IL1R1: variants seen among roughly 807,000 people sequenced by gnomAD.
IL1R1 encodes the protein interleukin-1 receptor type 1.
A neutral mutation model predicts 50.2 loss-of-function variants in IL1R1; 22 were observed. The observed-to-expected ratio is 0.44, with a 90% CI of 0.31 to 0.63. The LOEUF is 0.63. Among genes scored for constraint, IL1R1 ranks in the 20% least tolerant of loss-of-function variants. IL1R1 has a pLI of 0.07. For missense variants in IL1R1, 509 were observed against 676.2 expected (o/e 0.75, Z 2.74); for synonymous variants, 251 against 236.7 (o/e 1.06, Z -0.55).
exon 1 of IL1R1, chr2:102,104,843 CA>C (rs1173063452): frequency 3.3e-5 from 5 of 152,200 alleles, no homozygotes; most frequent in African/African-American, 1.2e-4. Context: ...CAGCCATTCC[CA>C]AATGCCCCAA....
At chr2:102,163,548 C>G (rs1684911116) in intron 3 of IL1R1, among the ~76,000 whole-genome samples, 1 of 152,074 alleles carries the variant, frequency 6.6e-6, no homozygotes, top group Non-Finnish European at 1.5e-5. Flanking sequence ...GTTTTCATCT[C>G]TAAAAGTTTT....
At chr2:102,150,829 C>T (rs373657121) in intron 1 of IL1R1, among the ~76,000 whole-genome samples, 7 of 152,182 alleles carry the variant, frequency 4.6e-5, no homozygotes, top group African/African-American at 1.7e-4. Context: ...GGATGTTAGC[C>T]AGTCCAGGGG....
intron 1 of IL1R1, among the ~76,000 whole-genome samples, chr2:102,090,844 C>T (rs191625730): frequency 3.9e-4 from 60 of 152,174 alleles, no homozygotes; most frequent in African/African-American, 1.3e-3. Context: ...CATATTTTCT[C>T]GTCTCTGTGG....
At chr2:102,125,189 C>T (rs1681636175) in intron 1 of IL1R1, among the ~76,000 whole-genome samples, 1 of 152,230 alleles carries the variant, frequency 6.6e-6, no homozygotes. Flanking sequence ...GCACATGCTG[C>T]CTTTACTCTG....
intron 1 of IL1R1, among the ~76,000 whole-genome samples, chr2:102,143,289 G>T (rs1346969211): frequency 6.6e-6 from 1 of 152,186 alleles, no homozygotes. Flanking sequence ...GTGACTTCCC[G>T]TGTGAATGGC....
intron 1 of IL1R1, among the ~76,000 whole-genome samples, chr2:102,132,644 AAGCTTTG>A (rs950866726): frequency 3.9e-5 from 6 of 152,200 alleles, no homozygotes; most frequent in African/African-American, 1.4e-4. Flanking sequence ...AATGACACCA[AAGCTTTG>A]ATGTCATTTG....
intron 1 of IL1R1, among the ~76,000 whole-genome samples, chr2:102,147,357 G>A (rs1219836309): frequency 6.6e-6 from 1 of 152,240 alleles, no homozygotes; most frequent in Non-Finnish European, 1.5e-5. Context: ...ATCCCAATCT[G>A]AGAAACAGCT....
At chr2:102,135,227 T>C (rs1682280000) in intron 1 of IL1R1, among the ~76,000 whole-genome samples, 1 of 152,140 alleles carries the variant, frequency 6.6e-6, no homozygotes, top group Non-Finnish European at 1.5e-5. Flanking sequence ...TTGCCTCTGC[T>C]GGATATCACT....
At position 102,165,120 on chromosome 2, in the gene IL1R1, C is replaced by G; in HGVS notation, c.302C>G (p.Ser101Ter). The G allele has an allele frequency of 6.4e-7, 1 of 1,566,790 alleles. No homozygotes were observed. The highest frequency in any genetic ancestry group is 8.6e-7 in the Non-Finnish European group (1 of 1,159,614). Residue 101 changes from serine to a stop codon, truncating the protein, a stop_gained, in exon 5 of 12, where the codon TCA becomes TGA. Coordinates refer to ENST00000410023, the MANE Select transcript of IL1R1 (RefSeq NM_000877.4). LOFTEE classifies it high-confidence loss of function. ...SGHYYCVVRN[S>*]SYCLRIKISA... The stretch of plus-strand genomic sequence containing the variant: ...CCTATTTTATTTTATTTTAGAAATT[C>G]ATCTTACTGCCTCAGAATTAAAATA...
chr2:102,091,465 T>C (rs1219712447), intron 1 of IL1R1, among the ~76,000 whole-genome samples: 1 of 152,250 alleles, frequency 6.6e-6, no homozygotes, highest in African/African-American at 2.4e-5. Flanking sequence ...GGCAGCTTCA[T>C]GGATAATGTA....
At chr2:102,102,840 C>G (rs948101294), upstream of IL1R1, among the ~76,000 whole-genome samples, 1 of 152,146 alleles carries the variant, frequency 6.6e-6, no homozygotes, top group African/African-American at 2.4e-5. Flanking sequence ...AAGATCATGT[C>G]TTTTGCAGCA....
chr2:102,162,501 A>T (rs1171358184), intron 3 of IL1R1, among the ~76,000 whole-genome samples: 2 of 151,308 alleles, frequency 1.3e-5, no homozygotes, highest in Non-Finnish European at 2.9e-5. Flanking sequence ...GCTGCCTTTT[A>T]GATTAATTGG....
intron 5 of IL1R1, 55 bp from the exon 6 acceptor site, chr2:102,166,058 A>G (rs1685154484): frequency 6.8e-7 from 1 of 1,475,680 alleles, no homozygotes; most frequent in Non-Finnish European, 9.3e-7. Flanking sequence ...TTGGCGGTAG[A>G]TTGGGGAAAG....
At chr2:102,101,990 T>C (rs1382001320), upstream of IL1R1, among the ~76,000 whole-genome samples, 1 of 152,126 alleles carries the variant, frequency 6.6e-6, no homozygotes, top group South Asian at 2.1e-4. Flanking sequence ...TGTGGGTGCA[T>C]GTGTGTGGCG....
intron 1 of IL1R1, among the ~76,000 whole-genome samples, chr2:102,099,302 T>C (rs908632077): frequency 5.9e-5 from 9 of 152,174 alleles, no homozygotes; most frequent in Admixed American, 3.3e-4. Flanking sequence ...CTAGAAGAGA[T>C]GGTAGAAGCA....
Position 102,174,664 on chromosome 2 carries a change from A to G in IL1R1, c.1069A>G (p.Lys357Glu). ...VIIVCSVFIYKIFKIDIVLWY... is the reference protein window; with the variant it reads ...VIIVCSVFIYEIFKIDIVLWY... ...AATTGTGTGTTCTGTTTTCATCTATAAAATCTTCAAGATTGACATTGTGCT... is the reference window on the plus strand; with the variant it reads ...AATTGTGTGTTCTGTTTTCATCTATGAAATCTTCAAGATTGACATTGTGCT... The change falls in exon 10 of 12, where the codon AAA becomes GAA. Residue 357 changes from lysine (K) to glutamate (E), a missense_variant. By Grantham distance (56) the Lys-to-Glu change is moderately conservative. Transcript: ENST00000410023. 1.2e-6 allele frequency: 2 copies of G among 1,612,442 alleles called. No individual in the cohort carries two copies. The highest frequency in any genetic ancestry group is 1.7e-6 in the Non-Finnish European group (2 of 1,179,156).
At chr2:102,168,014 C>T (rs571036796) in intron 6 of IL1R1, among the ~76,000 whole-genome samples, 28 of 152,118 alleles carry the variant, frequency 1.8e-4, no homozygotes, top group African/African-American at 6.0e-4. Flanking sequence ...GGGGGAATAC[C>T]GAGTGCTCAA....
At chr2:102,132,193 C>A (rs1216860733) in intron 1 of IL1R1, among the ~76,000 whole-genome samples, 1 of 151,050 alleles carries the variant, frequency 6.6e-6, no homozygotes, top group East Asian at 1.9e-4. Context: ...AGAGGAAATC[C>A]TTCAGACAGA....
chr2:102,170,527 G>A (rs1014619064), intron 7 of IL1R1, among the ~76,000 whole-genome samples: 1 of 152,134 alleles, frequency 6.6e-6, no homozygotes, highest in South Asian at 2.1e-4. Context: ...AATTAATTCT[G>A]TATAAATTAG....
Sources: allele counts gnomAD v4.1 joint callset (sites outside exome capture counted in the v4.1 genomes callset), GRCh38; gene constraint gnomAD v4.1.1; transcripts MANE v1.5; gene names NCBI Gene and HGNC (gene_info 2026-07-23, HGNC 2026-07-21).